The following IL1RAPL1 variants were observed in gnomAD, a reference collection of about 807,000 sequenced individuals.
IL1RAPL1 encodes interleukin-1 receptor accessory protein-like 1.
In IL1RAPL1, 3 loss-of-function variants were observed where a neutral mutation model predicts 48.4. That is an observed-to-expected ratio of 0.06 (90% CI 0.03 to 0.16). IL1RAPL1 has a LOEUF of 0.16. IL1RAPL1 is among the 10% of genes least tolerant of loss of function. IL1RAPL1 has a pLI of 1.00. For missense variants in IL1RAPL1, 349 were observed against 530.6 expected (o/e 0.66, Z 3.36); for synonymous variants, 185 against 187.7 (o/e 0.99, Z 0.12).
At chrX:28,674,829 T>G (rs1004979859) in intron 1 of IL1RAPL1, among the ~76,000 whole-genome samples, 2 of 112,117 alleles carry the variant, frequency 1.8e-5, no homozygotes, top group Non-Finnish European at 3.8e-5. Flanking sequence ...AATAATTGGA[T>G]TTTTAGATCA....
chrX:29,444,151 G>A (rs1298058372), intron 5 of IL1RAPL1, among the ~76,000 whole-genome samples: 1 of 109,875 alleles, frequency 9.1e-6, no homozygotes, highest in Non-Finnish European at 1.9e-5. Flanking sequence ...AGACCACCCT[G>A]GCCAATATGG....
chrX:28,699,780 C>G (rs1463478469), intron 1 of IL1RAPL1, among the ~76,000 whole-genome samples: 1 of 111,835 alleles, frequency 8.9e-6, no homozygotes, highest in East Asian at 2.8e-4. Flanking sequence ...TGTTGATGAA[C>G]CATATGTAAA....
intron 2 of IL1RAPL1, among the ~76,000 whole-genome samples, chrX:29,180,197 A>G (rs777792375): frequency 9.1e-6 from 1 of 109,678 alleles, no homozygotes; most frequent in African/African-American, 3.3e-5. Context: ...GATGGTTGTC[A>G]GTGCAATGAG....
At chrX:29,161,934 A>G (rs992217480) in intron 2 of IL1RAPL1, among the ~76,000 whole-genome samples, 1 of 112,400 alleles carries the variant, frequency 8.9e-6, no homozygotes, top group Non-Finnish European at 1.9e-5. Context: ...ACTATTCACA[A>G]TAGCAAAGAC....
intron 2 of IL1RAPL1, among the ~76,000 whole-genome samples, chrX:29,097,432 A>G (rs760966094): frequency 8.9e-6 from 1 of 112,182 alleles, no homozygotes; most frequent in South Asian, 3.7e-4. Flanking sequence ...AAAAGCATAC[A>G]CGAGACAAGG....
rs749650916 is a variant in IL1RAPL1 at position 29,809,107 on chromosome X, G to T, written c.779-108357G>T. On this transcript the variant is annotated intron_variant, in intron 6 of 10. Transcript: ENST00000378993. ...CTTTTTTTTTTTTCTTTTTTTTTGG[G>T]GGGTGGGGGGATACAGTTTCTCTCT... Among the ~76,000 whole-genome samples the T allele has an allele frequency of 1.5e-4, 15 of 101,657 alleles. No homozygotes were observed. In the East Asian group the frequency reaches 4.7e-3, roughly 32 times the overall value. The allele number at this position is 101,657 out of a possible 115,157, so 88.3% of individuals were successfully genotyped here.
At chrX:28,969,579 A>T (rs1208291352) in intron 2 of IL1RAPL1, among the ~76,000 whole-genome samples, 1 of 110,032 alleles carries the variant, frequency 9.1e-6, no homozygotes, top group Non-Finnish European at 1.9e-5. Context: ...ATGTACATTA[A>T]TTCCTATGAT....
intron 8 of IL1RAPL1, among the ~76,000 whole-genome samples, chrX:29,925,329 A>G (rs895962756): frequency 9.3e-6 from 1 of 107,595 alleles, no homozygotes; most frequent in Non-Finnish European, 1.9e-5. Context: ...GCATCTCCAA[A>G]TAAAAGTCAA....
intron 2 of IL1RAPL1, among the ~76,000 whole-genome samples, chrX:29,122,555 AT>A (rs1282547153): frequency 9.3e-6 from 1 of 107,280 alleles, no homozygotes; most frequent in Non-Finnish European, 1.9e-5. Context: ...AAAGGGAAAC[AT>A]TTGTATATTT....
chrX:29,872,669 A>T (rs1158064504), intron 6 of IL1RAPL1, among the ~76,000 whole-genome samples: 2 of 111,644 alleles, frequency 1.8e-5, no homozygotes, highest in Non-Finnish European at 3.8e-5. Flanking sequence ...TTTCTGACTA[A>T]TTGTCAGATT....
chrX:29,586,299 G>C (rs1231483137), intron 5 of IL1RAPL1, among the ~76,000 whole-genome samples: 2 of 111,516 alleles, frequency 1.8e-5, no homozygotes, highest in African/African-American at 6.5e-5. Context: ...TTGTTAAATA[G>C]ACTGTCCTTT....
intron 2 of IL1RAPL1, among the ~76,000 whole-genome samples, chrX:29,244,418 T>A (rs1410296875): frequency 8.9e-6 from 1 of 112,357 alleles, no homozygotes; most frequent in Non-Finnish European, 1.9e-5. Flanking sequence ...TTGAATAGAT[T>A]CTCCTTAAAT....
chrX:29,854,778 C>T (rs1931445930), intron 6 of IL1RAPL1, among the ~76,000 whole-genome samples: 1 of 110,368 alleles, frequency 9.1e-6, no homozygotes, highest in Non-Finnish European at 1.9e-5. Context: ...CAATAAATGG[C>T]AACTATTATA....
At chrX:29,407,471 A>G (rs775157574) in intron 5 of IL1RAPL1, among the ~76,000 whole-genome samples, 1 of 111,819 alleles carries the variant, frequency 8.9e-6, no homozygotes, top group Non-Finnish European at 1.9e-5. Flanking sequence ...TACTTTATTC[A>G]TTATTCTTAT....
intron 5 of IL1RAPL1, among the ~76,000 whole-genome samples, chrX:29,410,511 G>T (rs1187702812): frequency 9.1e-6 from 1 of 110,020 alleles, no homozygotes; most frequent in African/African-American, 3.3e-5. Flanking sequence ...ATTCTTCTAG[G>T]TTTCATAAAT....
At chrX:29,641,152 C>G (rs1475558533) in intron 5 of IL1RAPL1, among the ~76,000 whole-genome samples, 1 of 109,188 alleles carries the variant, frequency 9.2e-6, no homozygotes, top group African/African-American at 3.5e-5. Context: ...GCCTGGGCAA[C>G]AGAGTGAGAC....
intron 2 of IL1RAPL1, among the ~76,000 whole-genome samples, chrX:28,837,309 GGAT>G (rs1233221445): frequency 9.0e-6 from 1 of 110,710 alleles, no homozygotes; most frequent in Admixed American, 9.6e-5. Flanking sequence ...CTCTTCTTAA[GGAT>G]GAGCTAGAAG....
chrX:28,887,986 T>A (rs2147317991), intron 2 of IL1RAPL1, among the ~76,000 whole-genome samples: 1 of 111,879 alleles, frequency 8.9e-6, no homozygotes, highest in East Asian at 2.8e-4. Context: ...GCTTTTCTAT[T>A]GCCTTTGCAT....
intron 6 of IL1RAPL1, among the ~76,000 whole-genome samples, chrX:29,822,183 C>G (rs189229548): frequency 1.1e-3 from 126 of 111,014 alleles, no homozygotes; most frequent in African/African-American, 3.9e-3. Context: ...TGTAAACAAA[C>G]AAAGCCTATA....
Sources: gnomAD v4.1 joint callset for allele counts (sites outside exome capture counted in the v4.1 genomes callset) on GRCh38, gnomAD v4.1.1 for gene constraint, MANE v1.5 for transcripts, NCBI Gene and HGNC (gene_info 2026-07-23, HGNC 2026-07-21) for gene names.